Variants in PCDH17 observed in about 807,000 individuals in gnomAD.
PCDH17 encodes protocadherin 17.
A neutral mutation model predicts 67.7 loss-of-function variants in PCDH17; 21 were observed. The ratio of observed to expected loss-of-function variants is 0.31; its 90% CI spans 0.22 to 0.45. The LOEUF (loss-of-function observed/expected upper bound fraction) is 0.45. Among genes scored for constraint, PCDH17 ranks in the 20% least tolerant of loss-of-function variants. The probability of loss-of-function intolerance (pLI) is 1.00; values close to 1 mark genes in which losing one functional copy is unlikely to be tolerated. For missense variants in PCDH17, 1,471 were observed against 1,564.8 expected (o/e 0.94, Z 1.01); for synonymous variants, 701 against 656.7 (o/e 1.07, Z -1.03).
At position 57,633,340 on chromosome 13, in the gene PCDH17, T is replaced by C; in HGVS notation, c.794T>C (p.Leu265Pro). The change falls in exon 1 of 4, where the codon CTG (leucine) becomes CCG (proline). Residue 265 changes from leucine to proline, a missense_variant. Around this residue, in one of 3 missense-constraint regions of PCDH17, gnomAD observed 1,163 missense variants for 1,230.0 expected, o/e 0.95. Coordinates refer to ENST00000377918, the MANE Select transcript of PCDH17 (RefSeq NM_001040429.3). This position sits in a 1 kb window ranked among gnomAD's most constrained non-coding sequence, Gnocchi z 6.2. Reference protein sequence around the residue: ...NAPLGTVVIDLNATDADEGPN... With the variant: ...NAPLGTVVIDPNATDADEGPN... Reference sequence around the variant, plus strand: ...CCGCTGGGTACAGTGGTCATCGATCTGAACGCCACCGACGCCGATGAAGGT... The same window carrying C: ...CCGCTGGGTACAGTGGTCATCGATCCGAACGCCACCGACGCCGATGAAGGT... The C allele has an allele frequency of 6.2e-7, 1 of 1,613,274 alleles. No homozygotes were observed. Among genetic ancestry groups the C allele is most frequent in the Non-Finnish European group, 8.5e-7 (1 of 1,180,016 alleles).
chr13:57,641,482 G>A (rs1240307063), intron 1 of PCDH17, among the ~76,000 whole-genome samples: 5 of 144,780 alleles, frequency 3.5e-5, no homozygotes, highest in Admixed American at 7.0e-5. Context: ...TGGCTCTGTG[G>A]GTGGCATCCT....
chr13:57,695,629 C>T (rs12585180), intron 3 of PCDH17, among the ~76,000 whole-genome samples: 40,241 of 150,854 alleles, frequency 0.27, 5,842 homozygotes, highest in East Asian at 0.54. Context: ...TAATTCCCTC[C>T]GCAAAACTAC....
At chr13:57,679,169 G>A (rs1955423687) in intron 3 of PCDH17, among the ~76,000 whole-genome samples, 1 of 151,272 alleles carries the variant, frequency 6.6e-6, no homozygotes, top group African/African-American at 2.4e-5. Context: ...TTATGAATAA[G>A]GAATATGCAG....
intron 1 of PCDH17, among the ~76,000 whole-genome samples, chr13:57,649,081 A>G (rs1045316927): frequency 6.6e-6 from 1 of 152,096 alleles, no homozygotes; most frequent in Admixed American, 6.5e-5. Flanking sequence ...TCTTCATCCT[A>G]TGAGATCAAA....
At chr13:57,674,190 A>ATAT (rs1955359194) in intron 3 of PCDH17, among the ~76,000 whole-genome samples, 1 of 151,980 alleles carries the variant, frequency 6.6e-6, no homozygotes, top group African/African-American at 2.4e-5. Context: ...TGCTGGGACT[A>ATAT]TATTTCCAAA....
intron 3 of PCDH17, among the ~76,000 whole-genome samples, chr13:57,671,287 A>G (rs1199294730): frequency 6.6e-6 from 1 of 151,718 alleles, no homozygotes; most frequent in Non-Finnish European, 1.5e-5. Context: ...GGAAAAGAAA[A>G]CCATGGAATA....
intron 3 of PCDH17, among the ~76,000 whole-genome samples, chr13:57,677,585 T>G (rs1048764921): frequency 6.6e-6 from 1 of 151,740 alleles, no homozygotes; most frequent in Non-Finnish European, 1.5e-5. Flanking sequence ...GGGAAAGCCA[T>G]AGTCAGTAAG....
intron 3 of PCDH17, among the ~76,000 whole-genome samples, chr13:57,687,445 A>T (rs1272265030): frequency 6.6e-6 from 1 of 152,154 alleles, no homozygotes; most frequent in Non-Finnish European, 1.5e-5. Flanking sequence ...GTAGCTAGCT[A>T]TTAGATTAAA....
chr13:57,670,556 A>G (rs1024555428), intron 3 of PCDH17, among the ~76,000 whole-genome samples: 2 of 149,800 alleles, frequency 1.3e-5, no homozygotes, highest in African/African-American at 4.9e-5. Flanking sequence ...TTTTTATATT[A>G]GAATATAATT....
intron 3 of PCDH17, among the ~76,000 whole-genome samples, chr13:57,679,908 G>T (rs978225297): frequency 1.3e-5 from 2 of 151,328 alleles, no homozygotes; most frequent in Non-Finnish European, 3.0e-5. Flanking sequence ...ATAAATCTGA[G>T]AATATTTTCT....
intron 1 of PCDH17, among the ~76,000 whole-genome samples, chr13:57,652,234 C>A (rs1437201467): frequency 1.3e-5 from 2 of 149,468 alleles, no homozygotes; most frequent in African/African-American, 5.0e-5. Context: ...GCCGAGATTG[C>A]GCCACTGCAG....
At chr13:57,699,586 CT>C (rs986298094) in intron 3 of PCDH17, among the ~76,000 whole-genome samples, 16 of 150,468 alleles carry the variant, frequency 1.1e-4, no homozygotes, top group South Asian at 2.1e-4. Context: ...ATGTAAGATT[CT>C]TTTTTTTTAC....
chr13:57,723,463 G>A (rs1031955772), intron 3 of PCDH17, among the ~76,000 whole-genome samples: 1 of 152,022 alleles, frequency 6.6e-6, no homozygotes, highest in Non-Finnish European at 1.5e-5. Flanking sequence ...GTTTCATGTG[G>A]ACATCCTTTT....
chr13:57,694,127 G>C (rs1041263173), intron 3 of PCDH17, among the ~76,000 whole-genome samples: 1 of 151,148 alleles, frequency 6.6e-6, no homozygotes, highest in Admixed American at 6.6e-5. Flanking sequence ...GCAAAGTTGA[G>C]TATTGACTCA....
intron 1 of PCDH17, among the ~76,000 whole-genome samples, chr13:57,635,931 G>GA (rs1037874468): frequency 6.6e-6 from 1 of 152,128 alleles, no homozygotes; most frequent in African/African-American, 2.4e-5. Context: ...TTGCGCTACT[G>GA]AAAAAAGGAG....
intron 1 of PCDH17, among the ~76,000 whole-genome samples, chr13:57,647,153 G>A (rs1305071246): frequency 1.3e-5 from 2 of 151,690 alleles, no homozygotes; most frequent in Non-Finnish European, 3.0e-5. Context: ...AAATCTTAAC[G>A]TTTCATAAAT....
intron 1 of PCDH17, among the ~76,000 whole-genome samples, chr13:57,650,213 C>T (rs1955017660): frequency 1.0e-5 from 1 of 97,380 alleles, no homozygotes; most frequent in Non-Finnish European, 2.1e-5. Context: ...TTTCTGGACC[C>T]TTGATTGTGT....
chr13:57,635,211 G>A (rs113223557), intron 1 of PCDH17, 100 bp downstream of exon 1: 1 of 1,214,514 alleles, frequency 8.2e-7, no homozygotes, highest in Non-Finnish European at 1.2e-6. Flanking sequence ...CAGCAGCAGT[G>A]AGGGGGAAAA....
chr13:57,646,905 C>T (rs538606897), intron 1 of PCDH17, among the ~76,000 whole-genome samples: 12 of 151,898 alleles, frequency 7.9e-5, no homozygotes, highest in African/African-American at 2.4e-4. Flanking sequence ...GCTACTCAAC[C>T]TTGATCCAGG....
Sources: allele counts gnomAD v4.1 joint callset (sites outside exome capture counted in the v4.1 genomes callset), GRCh38; gene constraint gnomAD v4.1.1; regional missense constraint gnomAD v4.1.1; non-coding constraint Gnocchi (gnomAD v3.1); transcripts MANE v1.5; gene names NCBI Gene and HGNC (gene_info 2026-07-23, HGNC 2026-07-21).